Variants in ERBB3 observed in about 807,000 individuals in gnomAD.
The protein encoded by ERBB3 is receptor tyrosine-protein kinase erbB-3.
In ERBB3, 96 loss-of-function variants were observed where a neutral mutation model predicts 156.7. The ratio of observed to expected loss-of-function variants is 0.61; its 90% CI spans 0.52 to 0.73. The LOEUF (loss-of-function observed/expected upper bound fraction) is 0.73. Ranked by LOEUF, ERBB3 falls within the 30% of genes least tolerant of loss-of-function variation. ERBB3 has a pLI of 0.00. For synonymous variants in ERBB3, 567 were observed against 632.0 expected (o/e 0.90, Z 1.54); for missense variants, 1,406 against 1,709.4 (o/e 0.82, Z 3.13).
Position 56,088,235 on chromosome 12 carries a change from A to G in ERBB3, c.874+73A>G, listed in dbSNP as rs562808125. On this transcript the variant is annotated intron_variant, in intron 7 of 27. Transcript: ENST00000267101. ...GATTTTAGACAAAATTGTGGAAGGG[A>G]AAAAGAATCCAGTTGGTGATAAATA... 3 of 1,527,192 alleles carry G rather than the reference A, an allele frequency of 2.0e-6. No individual in the cohort carries two copies. The South Asian group carries it at 3.4e-5, about 17-fold the overall frequency. 94.6% of individuals were successfully genotyped at this position (1,527,192 alleles called of 1,614,324 possible).
At chr12:56,090,384 C>T (rs1315024824) in intron 9 of ERBB3, among the ~76,000 whole-genome samples, 1 of 152,118 alleles carries the variant, frequency 6.6e-6, no homozygotes, top group Non-Finnish European at 1.5e-5. Context: ...ATAATCCCAG[C>T]ACTTTGGGAG....
Position 56,101,907 on chromosome 12 carries a change from C to T in ERBB3, c.3881C>T (p.Ala1294Val), listed in dbSNP as rs1239329934. 6.2e-7 allele frequency: 1 copy of T among 1,613,464 alleles called. No homozygotes were observed. Among genetic ancestry groups the T allele is most frequent in the Non-Finnish European group, 8.5e-7 (1 of 1,179,878 alleles). ...ASEQGYEEMR[A>V]FQGPGHQAPH... ...GAGCAAGGGTATGAAGAGATGAGAG[C>T]TTTTCAGGGGCCTGGACATCAGGCC... Residue 1294 changes from alanine to valine, a missense_variant, in exon 28 of 28, where the codon GCT becomes GTT. Ala to Val is a moderately conservative substitution (Grantham distance 64). Around this residue, in one of 3 missense-constraint regions of ERBB3, gnomAD observed 415 missense variants for 454.1 expected, o/e 0.91. Coordinates refer to ENST00000267101, the MANE Select transcript of ERBB3 (RefSeq NM_001982.4).
At chr12:56,098,127 G>T in intron 21 of ERBB3, 187 bp downstream of exon 21, 1 of 649,282 alleles carries the variant, frequency 1.5e-6, no homozygotes, top group Non-Finnish European at 2.6e-6. Context: ...GGGACTGGCC[G>T]GGCGCGGTGG....
At position 56,083,748 on chromosome 12, in the gene ERBB3, C is replaced by A; in HGVS notation, c.83-3C>A. ...CAGCCACTCTTCCCTCTGCTTTGAA[C>A]AGTGTGTCCTGGGACTCTGAATGGC... is the stretch of plus-strand genomic sequence containing the variant. On this transcript the variant is annotated splice_region_variant and splice_polypyrimidine_tract_variant and intron_variant, in intron 1 of 27. Coordinates refer to ENST00000267101, the MANE Select transcript of ERBB3 (RefSeq NM_001982.4). 1 of 1,614,124 alleles carries A rather than the reference C, an allele frequency of 6.2e-7. No homozygotes were observed. Among genetic ancestry groups the A allele is most frequent in the Non-Finnish European group, 8.5e-7 (1 of 1,180,000 alleles).
At position 56,101,089 on chromosome 12, in the gene ERBB3, G is replaced by A. The variant is rs752248295; in HGVS notation, c.3230G>A (p.Arg1077Gln). The A allele has an allele frequency of 2.2e-5, 36 of 1,613,738 alleles. No homozygotes were observed. Among genetic ancestry groups the A allele is most frequent in the East Asian group, 4.5e-5 (2 of 44,886 alleles). The change falls in exon 27 of 28, where the codon CGG becomes CAG. Residue 1077 changes from arginine to glutamine, a missense_variant. Physicochemically the swap from Arg to Gln is conservative, Grantham distance 43. Coordinates refer to ENST00000267101, the MANE Select transcript of ERBB3 (RefSeq NM_001982.4). ...QESAVSGSSE[R>Q]CPRPVSLHPM... is the part of the protein sequence containing the mutation. ...TCTGCAGTTTCTGGGAGCAGTGAAC[G>A]GTGCCCCCGTCCAGTCTCTCTACAC...
chr12:56,086,614 G>C lies in ERBB3; in HGVS notation c.505G>C (p.Asp169His). 6.2e-7 allele frequency: 1 copy of C among 1,614,140 alleles called. No homozygotes were observed. The highest frequency in any genetic ancestry group is 8.5e-7 in the Non-Finnish European group (1 of 1,180,014). The stretch of plus-strand genomic sequence containing the variant: ...AATTGACTGGAGGGACATCGTGAGG[G>C]ACCGAGATGCTGAGATAGTGGTGAA... ...DTIDWRDIVR[D>H]RDAEIVVKDN... The change falls in exon 4 of 28, where the codon GAC becomes CAC. Residue 169 changes from aspartate (D) to histidine (H), a missense_variant. Coordinates refer to ENST00000267101, the MANE Select transcript of ERBB3 (RefSeq NM_001982.4).
intron 1 of ERBB3, 97 bp from the exon 2 acceptor site, chr12:56,083,654 C>T: frequency 7.1e-7 from 1 of 1,405,924 alleles, no homozygotes; most frequent in East Asian, 2.3e-5. Flanking sequence ...TCTAATGTAA[C>T]TGGAAGAGGG....
At chr12:56,084,773 G>T (rs1436358899) in intron 2 of ERBB3, among the ~76,000 whole-genome samples, 1 of 151,994 alleles carries the variant, frequency 6.6e-6, no homozygotes, top group Non-Finnish European at 1.5e-5. Context: ...GCTTGAACCC[G>T]GGAGGTGGAG....
rs1459802247 is a variant in ERBB3, at chr12:56,100,028, G to A, written c.3128G>A (p.Gly1043Glu). Residue 1043 changes from glycine to glutamate, a missense_variant and splice_region_variant, in exon 25 of 28, where the codon GGG becomes GAG. Transcript: ENST00000267101. ...LPVGTLNRPR[G>E]SQSLLSPSSG... The stretch of plus-strand genomic sequence containing the variant: ...GTTGGAACACTTAATCGGCCACGTG[G>A]GGTAAGACAACTTCTAATTACCCAA... 2.5e-6 allele frequency: 4 copies of A among 1,614,054 alleles called. No homozygotes were observed. The highest frequency in any genetic ancestry group is 1.7e-6 in the Non-Finnish European group (2 of 1,180,004).
At position 56,102,156 on chromosome 12, in the gene ERBB3, C is replaced by A; in HGVS notation, c.*101C>A. On this transcript the variant is annotated 3_prime_UTR_variant, in exon 28 of 28. Transcript: ENST00000267101. ...CCCTCTCTCTCCCAGGTCCCAGCCCCTTTTCCCCAGTCCCAGACAATTCCA... is the reference window on the plus strand; with the variant it reads ...CCCTCTCTCTCCCAGGTCCCAGCCCATTTTCCCCAGTCCCAGACAATTCCA... The A allele has an allele frequency of 9.3e-7, 1 of 1,080,882 alleles. No individual in the cohort carries two copies. Among genetic ancestry groups the A allele is most frequent in the Non-Finnish European group, 1.4e-6 (1 of 710,280 alleles). 67.0% of individuals were successfully genotyped at this position (1,080,882 alleles called of 1,614,324 possible).
chr12:56,090,967 A>T (rs897778863), intron 9 of ERBB3, among the ~76,000 whole-genome samples: 28 of 151,990 alleles, frequency 1.8e-4, no homozygotes, highest in African/African-American at 6.5e-4. Flanking sequence ...TTATCGTGGC[A>T]CTTCAATCTC....
chr12:56,097,536 G>C (rs1018736860), intron 20 of ERBB3, among the ~76,000 whole-genome samples: 2 of 152,174 alleles, frequency 1.3e-5, no homozygotes, highest in Admixed American at 1.3e-4. Flanking sequence ...AACTGTGCAT[G>C]TGAAGGATCT....
At chr12:56,080,851 G>C (rs1429221523) in intron 1 of ERBB3, among the ~76,000 whole-genome samples, 1 of 152,164 alleles carries the variant, frequency 6.6e-6, no homozygotes, top group Non-Finnish European at 1.5e-5. Context: ...AGGTTGGAGG[G>C]GGTTGTTGTT....
At chr12:56,081,806 T>C (rs1307645384) in intron 1 of ERBB3, among the ~76,000 whole-genome samples, 1 of 152,020 alleles carries the variant, frequency 6.6e-6, no homozygotes, top group African/African-American at 2.4e-5. Context: ...AGGGGAGGCC[T>C]CTGGTTGAGG....
At chr12:56,086,708 TC>T (rs1868500668) in intron 4 of ERBB3, 52 bp downstream of exon 4, 2 of 1,609,702 alleles carry the variant, frequency 1.2e-6, no homozygotes, top group Middle Eastern at 1.7e-4. Flanking sequence ...CCAGAGTGAC[TC>T]CCTTCTTTCC....
At position 56,102,080 on chromosome 12, in the gene ERBB3, G is replaced by C; in HGVS notation, c.*25G>C. ...ACTCCTGCTCCCTGTGGCACTCAGGGAGCATTTAATGGCAGCTAGTGCCTT... is the reference window on the plus strand; with the variant it reads ...ACTCCTGCTCCCTGTGGCACTCAGGCAGCATTTAATGGCAGCTAGTGCCTT... On this transcript the variant is annotated 3_prime_UTR_variant, in exon 28 of 28. Transcript: ENST00000267101. 6.2e-7 allele frequency: 1 copy of C among 1,601,026 alleles called. No individual in the cohort carries two copies. The highest frequency in any genetic ancestry group is 8.5e-7 in the Non-Finnish European group (1 of 1,178,350).
At position 56,097,777 on chromosome 12, in the gene ERBB3, A is replaced by C; in HGVS notation, c.2461-8A>C. 6.2e-7 allele frequency: 1 copy of C among 1,612,976 alleles called. No individual in the cohort carries two copies. The highest frequency in any genetic ancestry group is 8.5e-7 in the Non-Finnish European group (1 of 1,179,268). ...CCTTAAGAATACTTTCTTCCCCTAT[A>C]CCTACAGGGAATGTACTACCTTGAG... On this transcript the variant is annotated splice_polypyrimidine_tract_variant and splice_region_variant and intron_variant, in intron 20 of 27. Coordinates refer to ENST00000267101, the MANE Select transcript of ERBB3 (RefSeq NM_001982.4).
chr12:56,086,921 C>T (rs985132095), intron 4 of ERBB3, among the ~76,000 whole-genome samples: 1 of 152,018 alleles, frequency 6.6e-6, no homozygotes, highest in African/African-American at 2.4e-5. Flanking sequence ...GTGGGAGGAT[C>T]GCTTGAGCCC....
chr12:56,097,958 G>A lies in ERBB3; in HGVS notation c.2616+18G>A, dbSNP rs772755519. On this transcript the variant is annotated intron_variant, in intron 21 of 27. Transcript: ENST00000267101. ...AGGCCAAGGTGAGGAGACACAAAGGGTAAGGAGGCGGGGGTGGAGTGAAGC... is the reference window on the plus strand; with the variant it reads ...AGGCCAAGGTGAGGAGACACAAAGGATAAGGAGGCGGGGGTGGAGTGAAGC... 6 of 1,612,110 alleles carry A rather than the reference G, an allele frequency of 3.7e-6. No homozygotes were observed. In the Admixed American group the frequency reaches 8.3e-5, roughly 22 times the overall value.
Sources: gnomAD v4.1 joint callset for allele counts (sites outside exome capture counted in the v4.1 genomes callset) on GRCh38, gnomAD v4.1.1 for gene constraint, gnomAD v4.1.1 regional missense constraint, MANE v1.5 for transcripts, NCBI Gene and HGNC (gene_info 2026-07-23, HGNC 2026-07-21) for gene names.